FSTL5: variants seen among roughly 807,000 people sequenced by gnomAD.
FSTL5 encodes the protein follistatin like 5.
FSTL5 carries 62 observed loss-of-function variants against 89.1 expected under a neutral mutation model. The observed-to-expected ratio is 0.70, with a 90% CI of 0.57 to 0.86. The LOEUF (loss-of-function observed/expected upper bound fraction) is 0.86, where lower values mean the gene tolerates loss of function less well. Ranked by LOEUF, FSTL5 falls within the 40% of genes least tolerant of loss-of-function variation. The probability of loss-of-function intolerance (pLI) is 0.00; values close to 1 mark genes in which losing one functional copy is unlikely to be tolerated. For synonymous variants in FSTL5, 383 were observed against 346.2 expected (o/e 1.11, Z -1.18); for missense variants, 1,057 against 1,001.6 (o/e 1.06, Z -0.75).
chr4:161,944,333 T>TA (rs971104379), intron 3 of FSTL5, among the ~76,000 whole-genome samples: 32 of 151,976 alleles, frequency 2.1e-4, no homozygotes, highest in South Asian at 6.2e-4. Context: ...ATTGCCAGTA[T>TA]AAAAAAAATC....
chr4:161,917,109 C>T (rs1733862397), intron 4 of FSTL5, among the ~76,000 whole-genome samples: 1 of 152,084 alleles, frequency 6.6e-6, no homozygotes, highest in African/African-American at 2.4e-5. Flanking sequence ...TCTGCCACCA[C>T]ACCTGACTAA....
intron 4 of FSTL5, among the ~76,000 whole-genome samples, chr4:161,861,007 CAAG>C (rs1324281882): frequency 2.6e-5 from 4 of 152,086 alleles, no homozygotes; most frequent in African/African-American, 9.7e-5. Context: ...TGTTCCTTTA[CAAG>C]AAAACATGTT....
At chr4:162,069,530 T>C (rs1373483504) in intron 2 of FSTL5, among the ~76,000 whole-genome samples, 1 of 151,922 alleles carries the variant, frequency 6.6e-6, no homozygotes, top group African/African-American at 2.4e-5. Context: ...AACTAAACTC[T>C]CCTTATCCAC....
At chr4:161,954,080 A>T (rs1367732528) in intron 3 of FSTL5, among the ~76,000 whole-genome samples, 1 of 151,616 alleles carries the variant, frequency 6.6e-6, no homozygotes, top group Non-Finnish European at 1.5e-5. Flanking sequence ...ATTGCAATAT[A>T]CTACAAAATC....
chr4:161,827,959 T>G (rs1284684677), intron 4 of FSTL5, among the ~76,000 whole-genome samples: 2 of 152,190 alleles, frequency 1.3e-5, no homozygotes, highest in Non-Finnish European at 2.9e-5. Context: ...CACCATCCCC[T>G]GAGTTCTGTC....
chr4:161,633,019 A>T (rs1735553121), intron 7 of FSTL5, among the ~76,000 whole-genome samples: 1 of 152,010 alleles, frequency 6.6e-6, no homozygotes, highest in East Asian at 1.9e-4. Context: ...TTTCCTTATA[A>T]GTAAGAAGGT....
intron 2 of FSTL5, among the ~76,000 whole-genome samples, chr4:162,059,524 A>G (rs1438455269): frequency 6.6e-6 from 1 of 152,168 alleles, no homozygotes; most frequent in Non-Finnish European, 1.5e-5. Flanking sequence ...GTGTTTATTT[A>G]TCAAAACTAT....
At chr4:162,111,451 AT>A in intron 1 of FSTL5, 39 bp from the exon 2 acceptor site, 1 of 1,444,978 alleles carries the variant, frequency 6.9e-7, no homozygotes, top group Non-Finnish European at 9.5e-7. Flanking sequence ...GAGAAAATGA[AT>A]TATATATTAA....
At chr4:161,525,608 A>T (rs1731192924) in intron 10 of FSTL5, among the ~76,000 whole-genome samples, 1 of 152,162 alleles carries the variant, frequency 6.6e-6, no homozygotes, top group African/African-American at 2.4e-5. Context: ...TATTCCATCC[A>T]TGGGAGGTTC....
chr4:161,959,651 G>A (rs1454977335), intron 3 of FSTL5, among the ~76,000 whole-genome samples: 1 of 152,102 alleles, frequency 6.6e-6, no homozygotes, highest in Non-Finnish European at 1.5e-5. Context: ...TGTGTGAGAA[G>A]TATTATATAT....
At chr4:162,088,204 A>G (rs1411333403) in intron 2 of FSTL5, among the ~76,000 whole-genome samples, 2 of 140,780 alleles carry the variant, frequency 1.4e-5, no homozygotes, top group East Asian at 4.2e-4. Flanking sequence ...AAATGTGGCA[A>G]ATTGTGACTT....
chr4:161,503,129 A>G (rs907125390), intron 11 of FSTL5, among the ~76,000 whole-genome samples: 2 of 151,802 alleles, frequency 1.3e-5, no homozygotes, highest in African/African-American at 4.8e-5. Flanking sequence ...CCCCATATCA[A>G]ATTTAAAGAT....
At chr4:161,800,543 C>T (rs957482265) in intron 4 of FSTL5, among the ~76,000 whole-genome samples, 4 of 151,480 alleles carry the variant, frequency 2.6e-5, no homozygotes, top group South Asian at 2.1e-4. Context: ...ATACAAAGAC[C>T]TCCTTTTGTT....
At chr4:161,514,120 A>G (rs1730739082) in intron 10 of FSTL5, among the ~76,000 whole-genome samples, 1 of 152,182 alleles carries the variant, frequency 6.6e-6, no homozygotes, top group Non-Finnish European at 1.5e-5. Context: ...TTCTCTTAGT[A>G]AACTAATAAA....
rs6148753 is a variant in FSTL5 at position 161,513,272 on chromosome 4, G to GGAGAGAGAGAGAGAGAGAGA, written c.1313-2868_1313-2849dup. Among the ~76,000 whole-genome samples, 64 of 110,022 alleles carry GGAGAGAGAGAGAGAGAGAGA rather than the reference G, an allele frequency of 5.8e-4. 11 individuals carry two copies. Among genetic ancestry groups the GGAGAGAGAGAGAGAGAGAGA allele is most frequent in the South Asian group, 1.8e-3 (5 of 2,714 alleles). The allele number at this position is 110,022 out of a possible 152,430, so 72.2% of individuals were successfully genotyped here. On this transcript the variant is annotated intron_variant, in intron 10 of 15. Coordinates refer to ENST00000306100, the MANE Select transcript of FSTL5 (RefSeq NM_020116.5). ...ACTGAACTGAACCAAACAAGGAGGG[G>GGAGAGAGAGAGAGAGAGAGA]GAGAGAGAGAGAGAGAGAGAGAGAG...
At chr4:161,478,806 C>G (rs1191840455) in intron 13 of FSTL5, among the ~76,000 whole-genome samples, 5 of 151,904 alleles carry the variant, frequency 3.3e-5, no homozygotes, top group African/African-American at 1.2e-4. Flanking sequence ...TAGGTAACTA[C>G]AAATACAGAA....
At chr4:161,579,781 A>G (rs1733369909) in intron 8 of FSTL5, among the ~76,000 whole-genome samples, 1 of 151,046 alleles carries the variant, frequency 6.6e-6, no homozygotes, top group African/African-American at 2.4e-5. Flanking sequence ...AATGGATGTG[A>G]TCATTTGAAA....
intron 4 of FSTL5, among the ~76,000 whole-genome samples, chr4:161,904,102 T>A (rs1452801211): frequency 1.3e-5 from 2 of 152,034 alleles, no homozygotes; most frequent in Admixed American, 6.6e-5. Flanking sequence ...GGACTCAAAT[T>A]CTAAAACTTT....
chr4:161,609,940 A>T (rs991767324), intron 7 of FSTL5, among the ~76,000 whole-genome samples: 1 of 152,160 alleles, frequency 6.6e-6, no homozygotes, highest in African/African-American at 2.4e-5. Flanking sequence ...AGACATGCAA[A>T]AACATGAGGG....
Sources: gnomAD v4.1 joint callset for allele counts (sites outside exome capture counted in the v4.1 genomes callset) on GRCh38, gnomAD v4.1.1 for gene constraint, MANE v1.5 for transcripts, NCBI Gene and HGNC (gene_info 2026-07-23, HGNC 2026-07-21) for gene names.